The following C12orf60 variants were observed in gnomAD, a reference collection of about 807,000 sequenced individuals.
C12orf60 encodes the protein chromosome 12 open reading frame 60, also known as uncharacterized protein C12orf60.
For missense variants in C12orf60, 284 were observed against 283.2 expected (o/e 1.00, Z -0.02); for synonymous variants, 102 against 94.6 (o/e 1.08, Z -0.45).
chr12:14,816,375 C>T (rs2137276643), intron 1 of C12orf60, among the ~76,000 whole-genome samples: 1 of 152,294 alleles, frequency 6.6e-6, no homozygotes, highest in East Asian at 1.9e-4. Context: ...CCATATATTA[C>T]ATGACCCTGA....
chr12:14,816,228 A>C (rs547269629), intron 1 of C12orf60, among the ~76,000 whole-genome samples: 2 of 152,174 alleles, frequency 1.3e-5, no homozygotes, highest in East Asian at 3.9e-4. Flanking sequence ...AGTGGTGGGA[A>C]ATGAGAGTGA....
At chr12:14,818,841 C>A (rs1018262604) in intron 1 of C12orf60, among the ~76,000 whole-genome samples, 1 of 152,158 alleles carries the variant, frequency 6.6e-6, no homozygotes, top group Non-Finnish European at 1.5e-5. Flanking sequence ...TCTAGACTTC[C>A]TGTTCTGTTA....
intron 1 of C12orf60, chr12:14,805,594 T>C (rs1950035143): frequency 1.2e-5 from 2 of 160,424 alleles, no homozygotes; most frequent in African/African-American, 4.8e-5. Context: ...TTACTGAGTA[T>C]GTCCCCTTAT....
rs554155101 is a variant in C12orf60 at position 14,820,051 on chromosome 12, T to C, written c.-24-2861T>C. Reference sequence around the variant, plus strand: ...ACAGGCGCAATTTCTTTAAGAAATATAGGTTTATTTAAGTTTTTTGTTTCT... The same window carrying C: ...ACAGGCGCAATTTCTTTAAGAAATACAGGTTTATTTAAGTTTTTTGTTTCT... On this transcript the variant is annotated intron_variant, in intron 1 of 1. Coordinates refer to ENST00000330828, the MANE Select transcript of C12orf60 (RefSeq NM_175874.4). Among the ~76,000 whole-genome samples, 32 of 152,220 alleles carry C rather than the reference T, an allele frequency of 2.1e-4. No individual in the cohort carries two copies. In the South Asian group the frequency reaches 6.0e-3, roughly 29 times the overall value.
At chr12:14,822,121 G>C (rs1243963039) in intron 1 of C12orf60, among the ~76,000 whole-genome samples, 2 of 141,208 alleles carry the variant, frequency 1.4e-5, no homozygotes, top group Non-Finnish European at 1.5e-5. Context: ...GCAGACAGAG[G>C]GTGGGGTGGG....
At chr12:14,805,853 A>C in intron 1 of C12orf60, 1 of 779,752 alleles carries the variant, frequency 1.3e-6, no homozygotes, top group Non-Finnish European at 2.0e-6. Context: ...CTAGTCATCT[A>C]GTCTTGGCAT....
At chr12:14,816,589 G>A (rs942949434) in intron 1 of C12orf60, among the ~76,000 whole-genome samples, 1 of 152,126 alleles carries the variant, frequency 6.6e-6, no homozygotes, top group Middle Eastern at 3.4e-3. Context: ...TAATTTTCCA[G>A]TATTTATAAT....
chr12:14,807,669 G>T (rs1245288874), intron 1 of C12orf60, among the ~76,000 whole-genome samples: 1 of 152,104 alleles, frequency 6.6e-6, no homozygotes, highest in Non-Finnish European at 1.5e-5. Flanking sequence ...ATATATTCAA[G>T]ACTCTTTGGA....
chr12:14,816,931 C>T (rs962075438), intron 1 of C12orf60, among the ~76,000 whole-genome samples: 71 of 151,844 alleles, frequency 4.7e-4, no homozygotes, highest in African/African-American at 1.6e-3. Context: ...TTAGTAGAGA[C>T]GGGGTTTTGC....
intron 1 of C12orf60, among the ~76,000 whole-genome samples, chr12:14,816,521 CAGTT>C (rs1950221271): frequency 6.6e-6 from 1 of 152,082 alleles, no homozygotes; most frequent in African/African-American, 2.4e-5. Flanking sequence ...TTCTTCTTCA[CAGTT>C]AGACTTCCCA....
rs182062602 is a variant in C12orf60, at chr12:14,818,649, G to A, written c.-24-4263G>A. ...AAAAAATTTAGCTGGACATGGTGGT[G>A]TGTGCCTGTACTCCCAGCTACTTGG... On this transcript the variant is annotated intron_variant, in intron 1 of 1. Transcript: ENST00000330828. 2.9e-3 allele frequency among the ~76,000 whole-genome samples: 448 copies of A among 152,150 alleles called. 3 individuals carry two copies. Among genetic ancestry groups the A allele is most frequent in the African/African-American group, 0.011 (440 of 41,520 alleles).
chr12:14,815,659 A>T (rs185503575), intron 1 of C12orf60, among the ~76,000 whole-genome samples: 1 of 152,322 alleles, frequency 6.6e-6, no homozygotes, highest in African/African-American at 2.4e-5. Context: ...ACATTATGTA[A>T]ACTTGATTAG....
At chr12:14,806,152 G>T in intron 1 of C12orf60, 1 of 1,613,990 alleles carries the variant, frequency 6.2e-7, no homozygotes, top group Non-Finnish European at 8.5e-7. Context: ...AGGATGGCAC[G>T]GACAATCATA....
At chr12:14,811,480 A>C (rs1449697333) in intron 1 of C12orf60, among the ~76,000 whole-genome samples, 1 of 152,244 alleles carries the variant, frequency 6.6e-6, no homozygotes, top group Non-Finnish European at 1.5e-5. Context: ...AAAAATGACA[A>C]AAAACATCTG....
chr12:14,813,105 T>A (rs1950165099), intron 1 of C12orf60, among the ~76,000 whole-genome samples: 1 of 152,220 alleles, frequency 6.6e-6, no homozygotes, highest in Non-Finnish European at 1.5e-5. Context: ...AAAGCTGAGT[T>A]ATGGGTACAT....
intron 1 of C12orf60, chr12:14,806,047 CATG>C (rs761060859): frequency 3.2e-5 from 52 of 1,613,932 alleles, no homozygotes; most frequent in Non-Finnish European, 4.4e-5. Flanking sequence ...TCAGTAATGG[CATG>C]ATTATATTTT....
chr12:14,806,343 A>T lies in C12orf60; in HGVS notation c.-25+2592A>T, dbSNP rs965681953. On this transcript the variant is annotated intron_variant, in intron 1 of 1. Coordinates refer to ENST00000330828, the MANE Select transcript of C12orf60 (RefSeq NM_175874.4). ...CAGGATGACCGAAATAACCTTTTGC[A>T]CTATTGCAATTTTGTCTGTTTCCTT... The T allele has an allele frequency of 2.5e-6, 4 of 1,614,216 alleles. No homozygotes were observed. The Admixed American group carries it at 6.7e-5, about 27-fold the overall frequency.
intron 1 of C12orf60, among the ~76,000 whole-genome samples, chr12:14,807,905 CCTGTA>C (rs1950078249): frequency 6.6e-6 from 1 of 152,320 alleles, no homozygotes; most frequent in East Asian, 1.9e-4. Context: ...GTGGCTCAGG[CCTGTA>C]ATCCCAGCAC....
In C12orf60 at chr12:14,823,772, T is replaced by G. The variant is rs939150094; in HGVS notation, c.*99T>G. On this transcript the variant is annotated 3_prime_UTR_variant, in exon 2 of 2. Transcript: ENST00000330828. ...ATCTTTTGGTGCCAAACATGTGCTA[T>G]GTTAGAACATAAGTACACAAAAGTC... The G allele has an allele frequency of 4.8e-5, 55 of 1,148,442 alleles. No individual in the cohort carries two copies. In the African/African-American group the frequency reaches 8.3e-4, roughly 17 times the overall value. The allele number at this position is 1,148,442 out of a possible 1,614,324, so 71.1% of individuals were successfully genotyped here. A position where few individuals can be genotyped will look rare whatever the true frequency, so the allele number is the denominator to read the frequency against.
Sources: gnomAD v4.1 joint callset for allele counts (sites outside exome capture counted in the v4.1 genomes callset) on GRCh38, gnomAD v4.1.1 for gene constraint, MANE v1.5 for transcripts, NCBI Gene and HGNC (gene_info 2026-07-23, HGNC 2026-07-21) for gene names.